The following FER1L6 variants were observed in gnomAD, a reference collection of about 807,000 sequenced individuals.
FER1L6 encodes fer-1-like protein 6.
Under a neutral mutation model 219.2 loss-of-function variants are expected in FER1L6, and 177 were observed. The ratio of observed to expected loss-of-function variants is 0.81; its 90% confidence interval spans 0.71 to 0.91. The LOEUF (loss-of-function observed/expected upper bound fraction) is 0.91. Among genes scored for constraint, FER1L6 ranks in the 40% least tolerant of loss-of-function variants. FER1L6 has a pLI of 0.00. For synonymous variants in FER1L6, 768 were observed against 824.3 expected (o/e 0.93, Z 1.17); for missense variants, 2,153 against 2,259.9 (o/e 0.95, Z 0.96).
At chr8:124,015,571 CTA>C (rs781161909) in intron 15 of FER1L6, among the ~76,000 whole-genome samples, 4,024 of 42,624 alleles carry the variant, frequency 0.094, 149 homozygotes, top group Non-Finnish European at 0.14. Flanking sequence ...ATTATAAAAG[CTA>C]TATATATATA....
At chr8:124,032,160 C>T (rs1818996087) in intron 18 of FER1L6, among the ~76,000 whole-genome samples, 2 of 152,178 alleles carry the variant, frequency 1.3e-5, no homozygotes, top group African/African-American at 2.4e-5. Context: ...CATGGTGGCT[C>T]ATGCCTATAA....
At chr8:124,095,073 A>G (rs548122743) in intron 35 of FER1L6, 35 bp downstream of exon 35, 1 of 1,613,102 alleles carries the variant, frequency 6.2e-7, no homozygotes, top group South Asian at 1.1e-5. Flanking sequence ...CTAAAAGTTA[A>G]TCTTGTGTAC....
intron 1 of FER1L6, among the ~76,000 whole-genome samples, chr8:123,941,543 T>C (rs1031830102): frequency 1.3e-5 from 2 of 152,182 alleles, no homozygotes; most frequent in Admixed American, 6.5e-5. Context: ...CCATTTGGTA[T>C]TTTCCTGTGC....
At position 124,103,133 on chromosome 8, in the gene FER1L6, C is replaced by T. The variant is rs1176797030; in HGVS notation, c.5126-13C>T. ...AAAATGCTTCCCTAACTGTTAGGGT[C>T]ATCTCTCCACAGGCACCCTGGAAAT... On this transcript the variant is annotated splice_polypyrimidine_tract_variant and intron_variant, in intron 38 of 40. Coordinates refer to ENST00000522917, the MANE Select transcript of FER1L6 (RefSeq NM_001039112.2). The T allele has an allele frequency of 8.1e-6, 13 of 1,611,626 alleles. No homozygotes were observed. Among genetic ancestry groups the T allele is most frequent in the East Asian group, 2.2e-5 (1 of 44,890 alleles).
chr8:123,972,581 G>A (rs1815866637), intron 6 of FER1L6, among the ~76,000 whole-genome samples: 1 of 152,174 alleles, frequency 6.6e-6, no homozygotes, highest in South Asian at 2.1e-4. Context: ...CTACCTCTAG[G>A]AAAGCTCATT....
At chr8:123,882,574 C>A (rs2129667129) in intron 1 of FER1L6, among the ~76,000 whole-genome samples, 1 of 152,146 alleles carries the variant, frequency 6.6e-6, no homozygotes, top group African/African-American at 2.4e-5. Flanking sequence ...CTTCACAGAG[C>A]TGATAGAGTG....
chr8:123,928,259 A>G (rs1357458631), intron 1 of FER1L6, among the ~76,000 whole-genome samples: 1 of 152,170 alleles, frequency 6.6e-6, no homozygotes, highest in Non-Finnish European at 1.5e-5. Context: ...TATTGGTAGA[A>G]TGGACCTTTG....
At chr8:124,055,982 G>C (rs73328371) in intron 22 of FER1L6, among the ~76,000 whole-genome samples, 12,707 of 151,778 alleles carry the variant, frequency 0.084, 1,790 homozygotes, top group African/African-American at 0.29. Flanking sequence ...TTTCTCCCCC[G>C]AGCCTCCCGT....
chr8:124,017,222 T>G (rs918909906), intron 15 of FER1L6, among the ~76,000 whole-genome samples: 1 of 152,170 alleles, frequency 6.6e-6, no homozygotes, highest in Non-Finnish European at 1.5e-5. Context: ...TTTCCTATTG[T>G]TTTTAAATGG....
In FER1L6 at chr8:123,977,439, A is replaced by G. The variant is rs1217026673; in HGVS notation, c.893A>G (p.Asn298Ser). 12 of 1,613,902 alleles carry G rather than the reference A, an allele frequency of 7.4e-6. No individual in the cohort carries two copies. The highest frequency in any genetic ancestry group is 1.0e-5 in the Non-Finnish European group (12 of 1,179,984). Residue 298 changes from asparagine (N) to serine (S), a missense_variant, in exon 10 of 41, where the codon AAC (asparagine) becomes AGC (serine). Coordinates refer to ENST00000522917, the MANE Select transcript of FER1L6 (RefSeq NM_001039112.2). ...GQMGRTTVQK[N>S]CADPVWHEQV... Reference sequence around the variant, plus strand: ...TAGGGGCGAACCACAGTGCAGAAGAACTGTGCTGATCCTGTGTGGCATGAA... The same window carrying G: ...TAGGGGCGAACCACAGTGCAGAAGAGCTGTGCTGATCCTGTGTGGCATGAA...
intron 1 of FER1L6, among the ~76,000 whole-genome samples, chr8:123,946,729 C>T (rs998707578): frequency 6.6e-6 from 1 of 152,164 alleles, no homozygotes; most frequent in East Asian, 1.9e-4. Flanking sequence ...CTCTTCCTCC[C>T]ACATCTGAAC....
chr8:124,001,481 C>T lies in FER1L6; in HGVS notation c.1520-1686C>T, dbSNP rs75166233. ...TTACCACAAATTCAATGGTTTCAGC[C>T]ATAGTGGATATCCAGAGAGGTCAAA... On this transcript the variant is annotated intron_variant, in intron 12 of 40. Transcript: ENST00000522917. 8.5e-3 allele frequency among the ~76,000 whole-genome samples: 1,288 copies of T among 152,300 alleles called. 22 individuals carry two copies. The highest frequency in any genetic ancestry group is 0.03 in the African/African-American group (1,229 of 41,550).
chr8:123,856,190 T>C (rs1175388419), intron 1 of FER1L6, among the ~76,000 whole-genome samples: 3 of 107,086 alleles, frequency 2.8e-5, no homozygotes, highest in Admixed American at 1.1e-4. Flanking sequence ...TATATACATA[T>C]GTGTATGAGA....
intron 35 of FER1L6, among the ~76,000 whole-genome samples, chr8:124,096,695 T>C (rs577318658): frequency 1.2e-4 from 18 of 152,314 alleles, no homozygotes; most frequent in African/African-American, 4.1e-4. Flanking sequence ...CTGAGCTTAG[T>C]TTCTTTATGT....
At position 124,039,943 on chromosome 8, in the gene FER1L6, C is replaced by G. The variant is rs768848665; in HGVS notation, c.2526C>G (p.Asp842Glu). ...MYQARGLIAA[D>E]SNGLSDPFAK... ...AAGCCCGGGGCCTCATCGCAGCTGA[C>G]AGCAATGGACTTTCAGACCCTTTTG... The change falls in exon 20 of 41, where the codon GAC (aspartate) becomes GAG (glutamate). Residue 842 changes from aspartate (D) to glutamate (E), a missense_variant. Transcript: ENST00000522917. 13 of 1,614,042 alleles carry G rather than the reference C, an allele frequency of 8.1e-6. No homozygotes were observed. The highest frequency in any genetic ancestry group is 2.7e-5 in the African/African-American group (2 of 74,922).
chr8:124,078,957 T>C (rs1821415051), intron 32 of FER1L6, among the ~76,000 whole-genome samples: 1 of 152,194 alleles, frequency 6.6e-6, no homozygotes, highest in Non-Finnish European at 1.5e-5. Context: ...GGATGCTTCC[T>C]TCTGTGGGCT....
At chr8:124,086,243 T>G (rs1376435438) in intron 33 of FER1L6, among the ~76,000 whole-genome samples, 1 of 152,156 alleles carries the variant, frequency 6.6e-6, no homozygotes, top group Non-Finnish European at 1.5e-5. Context: ...CATTTTAAAA[T>G]TTGTTTTTTG....
intron 1 of FER1L6, among the ~76,000 whole-genome samples, chr8:123,918,301 C>T (rs1010199467): frequency 2.2e-5 from 3 of 138,312 alleles, no homozygotes; most frequent in Non-Finnish European, 4.7e-5. Flanking sequence ...AGAGAGACAA[C>T]CTGTCTCAAA....
In FER1L6 at chr8:124,111,137, G is replaced by C. The variant is rs975848058; in HGVS notation, c.5290-7707G>C. Among the ~76,000 whole-genome samples, 3 of 152,166 alleles carry C rather than the reference G, an allele frequency of 2.0e-5. No individual in the cohort carries two copies. The highest frequency in any genetic ancestry group is 2.0e-4 in the Admixed American group (3 of 15,278). The stretch of plus-strand genomic sequence containing the variant: ...CAAAACAATTTATATACGTTACAGA[G>C]AGAAGAGAAAGTACTTACAACTTTT... On this transcript the variant is annotated intron_variant, in intron 39 of 40. Coordinates refer to ENST00000522917, the MANE Select transcript of FER1L6 (RefSeq NM_001039112.2). This position sits in a 1 kb window ranked among gnomAD's most constrained non-coding sequence, Gnocchi z 5.0.
Sources: allele counts gnomAD v4.1 joint callset (sites outside exome capture counted in the v4.1 genomes callset), GRCh38; gene constraint gnomAD v4.1.1; non-coding constraint Gnocchi (gnomAD v3.1); transcripts MANE v1.5; gene names NCBI Gene and HGNC (gene_info 2026-07-23, HGNC 2026-07-21).